KCNAB1: variants seen among roughly 807,000 people sequenced by gnomAD.
KCNAB1 encodes potassium voltage-gated channel subfamily A regulatory beta subunit 1.
KCNAB1 carries 35 observed loss-of-function variants against 64.6 expected under a neutral mutation model. The observed-to-expected ratio is 0.54, with a 90% confidence interval of 0.41 to 0.72. The LOEUF (loss-of-function observed/expected upper bound fraction) is 0.72. Ranked by LOEUF, KCNAB1 falls within the 30% of genes least tolerant of loss-of-function variation. The pLI, the probability that KCNAB1 is intolerant of heterozygous loss-of-function variation, is 0.00. For synonymous variants in KCNAB1, 177 were observed against 183.8 expected (o/e 0.96, Z 0.30); for missense variants, 401 against 512.9 (o/e 0.78, Z 2.11).
chr3:156,227,179 A>G (rs539639940), intron 1 of KCNAB1, among the ~76,000 whole-genome samples: 3 of 152,330 alleles, frequency 2.0e-5, no homozygotes, highest in African/African-American at 7.2e-5. Flanking sequence ...CTTTGTGTGA[A>G]CAAATGTAGG....
intron 1 of KCNAB1, among the ~76,000 whole-genome samples, chr3:156,367,466 C>A (rs1244360919): frequency 6.6e-6 from 1 of 152,088 alleles, no homozygotes; most frequent in Non-Finnish European, 1.5e-5. Context: ...CAGGCTTGAG[C>A]CACTGTTCCC....
chr3:156,421,591 A>T, intron 1 of KCNAB1, 25 bp from the exon 2 acceptor site: 2 of 1,612,508 alleles, frequency 1.2e-6, no homozygotes, highest in Non-Finnish European at 1.7e-6. Flanking sequence ...AATGATGACC[A>T]AGTGTTGCTT....
chr3:156,319,984 C>T (rs533688873), intron 1 of KCNAB1, among the ~76,000 whole-genome samples: 2 of 152,300 alleles, frequency 1.3e-5, no homozygotes, highest in South Asian at 2.1e-4. Flanking sequence ...ACTTCGTGAG[C>T]ATCCTATCCA....
chr3:156,272,146 T>A (rs572100898), intron 1 of KCNAB1, among the ~76,000 whole-genome samples: 2 of 152,246 alleles, frequency 1.3e-5, no homozygotes, highest in Non-Finnish European at 2.9e-5. Flanking sequence ...TTGTACTCGG[T>A]CTGACTTGGA....
intron 13 of KCNAB1, among the ~76,000 whole-genome samples, chr3:156,535,908 G>A (rs993634569): frequency 6.6e-6 from 1 of 152,130 alleles, no homozygotes; most frequent in Non-Finnish European, 1.5e-5. Flanking sequence ...ACTGCCTAAA[G>A]TGGGGACTCC....
At chr3:156,151,252 T>A (rs1389075242) in intron 1 of KCNAB1, among the ~76,000 whole-genome samples, 1 of 152,202 alleles carries the variant, frequency 6.6e-6, no homozygotes, top group African/African-American at 2.4e-5. Context: ...TGTTTTCACA[T>A]ATCACGTGTC....
At chr3:156,187,985 C>T (rs1328808825) in intron 1 of KCNAB1, among the ~76,000 whole-genome samples, 2 of 152,194 alleles carry the variant, frequency 1.3e-5, no homozygotes, top group Non-Finnish European at 2.9e-5. Context: ...AAACATTTGT[C>T]TCCAAAATGT....
At chr3:156,226,761 C>T (rs575005662) in intron 1 of KCNAB1, among the ~76,000 whole-genome samples, 28 of 152,104 alleles carry the variant, frequency 1.8e-4, no homozygotes, top group African/African-American at 2.9e-4. Context: ...CATGTTTTGG[C>T]GGGGATCCTT....
intron 8 of KCNAB1, among the ~76,000 whole-genome samples, chr3:156,488,860 T>A (rs1476743356): frequency 1.3e-5 from 2 of 152,074 alleles, no homozygotes; most frequent in Non-Finnish European, 2.9e-5. Context: ...TCAGTTTGGA[T>A]AAATAATGAA....
At chr3:156,381,296 T>C (rs1712140478) in intron 1 of KCNAB1, among the ~76,000 whole-genome samples, 1 of 152,174 alleles carries the variant, frequency 6.6e-6, no homozygotes, top group Non-Finnish European at 1.5e-5. Context: ...AAGAACATTT[T>C]TGGCTGAGGG....
At chr3:156,311,067 C>G (rs942032338) in intron 1 of KCNAB1, among the ~76,000 whole-genome samples, 1 of 152,194 alleles carries the variant, frequency 6.6e-6, no homozygotes. Flanking sequence ...GAAGACCCCC[C>G]ACCCTTCTTC....
chr3:156,457,320 C>CTT (rs34093583), intron 3 of KCNAB1, 133 bp from the exon 4 acceptor site: 720,855 of 1,487,456 alleles, frequency 0.48, 176,745 homozygotes, highest in South Asian at 0.56. Context: ...CTTTCCCTCT[C>CTT]CACTAAAACT....
At chr3:156,524,215 T>C (rs1300001515) in intron 12 of KCNAB1, 1 of 314,832 alleles carries the variant, frequency 3.2e-6, no homozygotes, top group Non-Finnish European at 5.8e-6. Context: ...CTATCACAGA[T>C]GTCAGGGGTG....
intron 1 of KCNAB1, among the ~76,000 whole-genome samples, chr3:156,196,584 G>A (rs765149846): frequency 9.2e-5 from 14 of 152,098 alleles, no homozygotes; most frequent in Non-Finnish European, 2.1e-4. Context: ...GTGAATGGGA[G>A]TTTACTCATG....
chr3:156,421,122 G>T (rs113945372), intron 1 of KCNAB1, among the ~76,000 whole-genome samples: 2,311 of 152,132 alleles, frequency 0.015, 27 homozygotes, highest in South Asian at 0.033. Flanking sequence ...TTGTTAGTCA[G>T]TAAGTCAAAA....
intron 1 of KCNAB1, among the ~76,000 whole-genome samples, chr3:156,331,839 C>T (rs1307971039): frequency 4.6e-5 from 7 of 152,110 alleles, no homozygotes; most frequent in Non-Finnish European, 7.4e-5. Context: ...CCAAGTTTAG[C>T]GGCAGGGGGT....
chr3:156,397,108 C>T lies in KCNAB1; in HGVS notation c.276-24508C>T, dbSNP rs183966405. ...CAGAAACTGCACAGGGTAATCAGAG[C>T]AAGGCCTCCTTCTATAAAGTATTTG... is the stretch of plus-strand genomic sequence containing the variant. On this transcript the variant is annotated intron_variant, in intron 1 of 13. Transcript: ENST00000490337. 2.1e-3 allele frequency among the ~76,000 whole-genome samples: 327 copies of T among 152,298 alleles called. 4 individuals are homozygous for T. Among genetic ancestry groups the T allele is most frequent in the African/African-American group, 7.4e-3 (308 of 41,544 alleles).
intron 2 of KCNAB1, among the ~76,000 whole-genome samples, chr3:156,426,895 T>C (rs1715860338): frequency 6.6e-6 from 1 of 152,188 alleles, no homozygotes; most frequent in Admixed American, 6.5e-5. Context: ...CTCAAGCTTG[T>C]GATAAGCCAT....
intron 1 of KCNAB1, among the ~76,000 whole-genome samples, chr3:156,203,065 T>C (rs895089640): frequency 3.3e-5 from 5 of 152,228 alleles, no homozygotes; most frequent in African/African-American, 1.2e-4. Context: ...ACACAAAAGA[T>C]GATCTTTTCA....
Sources: gnomAD v4.1 joint callset for allele counts (sites outside exome capture counted in the v4.1 genomes callset) on GRCh38, gnomAD v4.1.1 for gene constraint, MANE v1.5 for transcripts, NCBI Gene and HGNC (gene_info 2026-07-23, HGNC 2026-07-21) for gene names.